The following RUNX2 variants were observed in gnomAD, a reference collection of about 807,000 sequenced individuals.
RUNX2 encodes the protein runt-related transcription factor 2.
In RUNX2, 10 loss-of-function variants were observed where a neutral mutation model predicts 51.7. The ratio of observed to expected loss-of-function variants is 0.19; its 90% CI spans 0.12 to 0.33. RUNX2 has a LOEUF of 0.33. Ranked by LOEUF, RUNX2 falls within the 10% of genes least tolerant of loss-of-function variation. RUNX2 has a pLI of 1.00. For missense variants in RUNX2, 562 were observed against 691.3 expected (o/e 0.81, Z 2.10); for synonymous variants, 276 against 273.6 (o/e 1.01, Z -0.09).
chr6:45,398,226 T>C (rs1797623815), intron 2 of RUNX2, among the ~76,000 whole-genome samples: 1 of 152,170 alleles, frequency 6.6e-6, no homozygotes, highest in Admixed American at 6.5e-5. Flanking sequence ...CTATTAACTG[T>C]ACTTGCTGCC....
chr6:45,356,920 C>T (rs953799202), intron 2 of RUNX2, among the ~76,000 whole-genome samples: 1 of 152,146 alleles, frequency 6.6e-6, no homozygotes, highest in Non-Finnish European at 1.5e-5. Context: ...TGTAACGAGG[C>T]AAATCAATAT....
At chr6:45,438,252 C>T (rs537347471) in intron 5 of RUNX2, among the ~76,000 whole-genome samples, 2 of 152,096 alleles carry the variant, frequency 1.3e-5, no homozygotes, top group African/African-American at 2.4e-5. Flanking sequence ...TAACCTTTGC[C>T]ACACAATCAC....
At chr6:45,481,383 A>G (rs971033766) in intron 5 of RUNX2, among the ~76,000 whole-genome samples, 2 of 152,238 alleles carry the variant, frequency 1.3e-5, no homozygotes, top group Admixed American at 6.5e-5. Flanking sequence ...TGCATCTCTC[A>G]GTGGGGTCTC....
At chr6:45,330,804 T>C (rs959206219) in intron 2 of RUNX2, among the ~76,000 whole-genome samples, 4 of 151,754 alleles carry the variant, frequency 2.6e-5, no homozygotes, top group African/African-American at 9.7e-5. Context: ...CCAAACAGTA[T>C]CTTGAAGCCT....
At chr6:45,453,468 C>T (rs1192309486) in intron 5 of RUNX2, among the ~76,000 whole-genome samples, 3 of 152,188 alleles carry the variant, frequency 2.0e-5, no homozygotes, top group Non-Finnish European at 4.4e-5. Context: ...TCTGAAGCAA[C>T]AGAACACCCA....
At chr6:45,517,848 AT>A (rs1286319178) in intron 7 of RUNX2, among the ~76,000 whole-genome samples, 2 of 152,196 alleles carry the variant, frequency 1.3e-5, no homozygotes, top group Admixed American at 1.3e-4. Context: ...TGTCAGGAGG[AT>A]TCAAACCCAG....
chr6:45,438,142 G>A, intron 5 of RUNX2, 91 bp downstream of exon 5: 1 of 836,294 alleles, frequency 1.2e-6, no homozygotes, highest in South Asian at 1.3e-5. Context: ...TCACTTTCAT[G>A]TCCATAGTGT....
At chr6:45,515,171 A>G (rs1183533019) in intron 7 of RUNX2, among the ~76,000 whole-genome samples, 1 of 152,166 alleles carries the variant, frequency 6.6e-6, no homozygotes, top group Non-Finnish European at 1.5e-5. Context: ...TCATCTCCAT[A>G]TCTAAAGGGA....
intron 2 of RUNX2, among the ~76,000 whole-genome samples, chr6:45,363,441 A>C (rs1338434167): frequency 6.6e-6 from 1 of 152,182 alleles, no homozygotes; most frequent in African/African-American, 2.4e-5. Flanking sequence ...GGAAAAACAC[A>C]ATTATTGTTA....
intron 2 of RUNX2, among the ~76,000 whole-genome samples, chr6:45,339,272 G>A (rs758587829): frequency 6.6e-6 from 1 of 152,060 alleles, no homozygotes; most frequent in Non-Finnish European, 1.5e-5. Flanking sequence ...ATTACCTGGG[G>A]AGTAAGTCTT....
chr6:45,346,553 T>C (rs1441581492), intron 2 of RUNX2, among the ~76,000 whole-genome samples: 3 of 147,778 alleles, frequency 2.0e-5, no homozygotes, highest in Non-Finnish European at 4.4e-5. Context: ...ATAATAGGAA[T>C]TCAATAAACA....
intron 5 of RUNX2, among the ~76,000 whole-genome samples, chr6:45,486,364 G>A (rs1322820487): frequency 6.6e-6 from 1 of 152,184 alleles, no homozygotes; most frequent in Non-Finnish European, 1.5e-5. Flanking sequence ...AGGCTTGCAT[G>A]TAGTAGATAA....
At chr6:45,449,855 T>TA (rs980101062) in intron 5 of RUNX2, among the ~76,000 whole-genome samples, 3 of 151,972 alleles carry the variant, frequency 2.0e-5, no homozygotes, top group Admixed American at 6.6e-5. Flanking sequence ...ATTTAGTACT[T>TA]AAAAAAAATT....
chr6:45,546,101 G>T (rs1802390905), intron 8 of RUNX2, among the ~76,000 whole-genome samples: 1 of 151,990 alleles, frequency 6.6e-6, no homozygotes, highest in African/African-American at 2.4e-5. Context: ...CAGGTCACAA[G>T]TCTCCCATCA....
intron 5 of RUNX2, among the ~76,000 whole-genome samples, chr6:45,478,060 C>T (rs182675985): frequency 1.3e-5 from 2 of 152,242 alleles, no homozygotes; most frequent in East Asian, 3.9e-4. Context: ...TCTGCATTTG[C>T]TTGACTAAAT....
chr6:45,336,714 G>A (rs1788631350), intron 2 of RUNX2, among the ~76,000 whole-genome samples: 1 of 151,024 alleles, frequency 6.6e-6, no homozygotes, highest in Admixed American at 6.6e-5. Flanking sequence ...TTTTAATAAA[G>A]TATTTACTTA....
At chr6:45,329,112 A>G (rs1786945955) in intron 2 of RUNX2, among the ~76,000 whole-genome samples, 1 of 151,994 alleles carries the variant, frequency 6.6e-6, no homozygotes, top group Non-Finnish European at 1.5e-5. Flanking sequence ...CCAGAAGAAA[A>G]GTCAGATCCT....
At chr6:45,400,042 GAAGGA>G (rs369249857) in intron 2 of RUNX2, among the ~76,000 whole-genome samples, 33 of 115,552 alleles carry the variant, frequency 2.9e-4, no homozygotes, top group Middle Eastern at 5.7e-3. Context: ...GGGAAGGAAA[GAAGGA>G]AAGGAGGGAG....
intron 7 of RUNX2, among the ~76,000 whole-genome samples, chr6:45,517,149 T>C (rs1303266954): frequency 6.6e-6 from 1 of 152,184 alleles, no homozygotes; most frequent in Non-Finnish European, 1.5e-5. Flanking sequence ...TTCATAGATG[T>C]TGGCTGCCTC....
Sources: gnomAD v4.1 joint callset for allele counts (sites outside exome capture counted in the v4.1 genomes callset) on GRCh38, gnomAD v4.1.1 for gene constraint, MANE v1.5 for transcripts, NCBI Gene and HGNC (gene_info 2026-07-23, HGNC 2026-07-21) for gene names.